The following SRGAP3 variants were observed in gnomAD, a reference collection of about 807,000 sequenced individuals.
SRGAP3 encodes the protein SLIT-ROBO Rho GTPase activating protein 3.
Under a neutral mutation model 121.1 loss-of-function variants are expected in SRGAP3, and 39 were observed. That is an observed-to-expected ratio of 0.32 (90% CI 0.25 to 0.42). The LOEUF (loss-of-function observed/expected upper bound fraction) is 0.42, where lower values mean the gene tolerates loss of function less well. Among genes scored for constraint, SRGAP3 ranks in the 10% least tolerant of loss-of-function variants. The pLI, the probability that SRGAP3 is intolerant of heterozygous loss-of-function variation, is 1.00. For synonymous variants in SRGAP3, 601 were observed against 570.0 expected, an observed-to-expected ratio of 1.05 and a Z score of -0.77; for missense variants, 1,213 against 1,470.6, an observed-to-expected ratio of 0.82 and a Z score of 2.86.
intron 3 of SRGAP3, among the ~76,000 whole-genome samples, chr3:9,315,771 A>G (rs1955334456): frequency 6.6e-6 from 1 of 152,230 alleles, no homozygotes; most frequent in South Asian, 2.1e-4. Context: ...CGCCTAAATG[A>G]TGATAATGAT....
At chr3:9,305,975 G>C (rs927900559) in intron 3 of SRGAP3, among the ~76,000 whole-genome samples, 4 of 152,162 alleles carry the variant, frequency 2.6e-5, no homozygotes, top group Admixed American at 2.6e-4. Flanking sequence ...GATCCTTGAG[G>C]AATCACCACA....
chr3:9,116,225 GTTGAA>G (rs1175951228), intron 2 of SRGAP3, among the ~76,000 whole-genome samples: 1 of 152,178 alleles, frequency 6.6e-6, no homozygotes, highest in East Asian at 1.9e-4. Flanking sequence ...CGTCCTTAAG[GTTGAA>G]TTGAAGTTTG....
At chr3:9,156,975 T>C (rs1464889190) in intron 1 of SRGAP3, among the ~76,000 whole-genome samples, 1 of 152,184 alleles carries the variant, frequency 6.6e-6, no homozygotes, top group Non-Finnish European at 1.5e-5. Flanking sequence ...ACCCTAGTTT[T>C]CTTTAATATT....
chr3:9,049,368 C>A (rs1418638453), intron 9 of SRGAP3: 3 of 456,024 alleles, frequency 6.6e-6, no homozygotes, highest in African/African-American at 6.0e-5. Flanking sequence ...TTAAGAGTCA[C>A]TCGACTTGTA....
At chr3:9,055,112 G>A (rs148833415) in intron 8 of SRGAP3, among the ~76,000 whole-genome samples, 325 of 152,296 alleles carry the variant, frequency 2.1e-3, no homozygotes, top group African/African-American at 7.6e-3. Context: ...TTCATCTCCT[G>A]TCTCTTTCCA....
chr3:9,180,011 T>C (rs1272444635), intron 1 of SRGAP3, among the ~76,000 whole-genome samples: 2 of 152,226 alleles, frequency 1.3e-5, no homozygotes. Context: ...AGGCCAACAC[T>C]TCTGGGGCAT....
chr3:9,032,734 A>C lies in SRGAP3; in HGVS notation c.1455T>G (p.Pro485=), dbSNP rs753769110. 1 of 1,612,448 alleles carries C rather than the reference A, an allele frequency of 6.2e-7. No individual in the cohort carries two copies. Among genetic ancestry groups the C allele is most frequent in the Non-Finnish European group, 8.5e-7 (1 of 1,179,216 alleles). Reference sequence around the variant, plus strand: ...TAGGTCTCCTCATTTTCTGTGGTTTAGGGGGAAGACAGGGGGGCCTAGGGG... The same window carrying C: ...TAGGTCTCCTCATTTTCTGTGGTTTCGGGGGAAGACAGGGGGGCCTAGGGG... ...CGTTRPPCLP[P]KPQKMRRPRP... is the part of the protein sequence containing the mutation. Residue 485 remains proline, a synonymous_variant, in exon 12 of 22, where the codon CCT becomes CCG. Coordinates refer to ENST00000383836, the MANE Select transcript of SRGAP3 (RefSeq NM_014850.4).
At chr3:9,060,429 T>C in intron 5 of SRGAP3, 70 bp from the exon 6 acceptor site, 1 of 705,138 alleles carries the variant, frequency 1.4e-6, no homozygotes, top group Non-Finnish European at 1.8e-6. Flanking sequence ...TTTCTATTCC[T>C]TTTTTTTTTT....
At chr3:9,200,693 A>G (rs1025178819) in intron 1 of SRGAP3, among the ~76,000 whole-genome samples, 4 of 152,180 alleles carry the variant, frequency 2.6e-5, no homozygotes, top group African/African-American at 9.7e-5. Context: ...CCAGATCCCA[A>G]AAAGACAGGG....
At chr3:9,362,033 T>C (rs560201846) in intron 1 of SRGAP3, among the ~76,000 whole-genome samples, 1 of 152,266 alleles carries the variant, frequency 6.6e-6, no homozygotes, top group South Asian at 2.1e-4. Context: ...ATTTAACATG[T>C]ATATTTGGCC....
At position 9,218,851 on chromosome 3, in the gene SRGAP3, TTAG is replaced by T. The variant is rs1438116507; in HGVS notation, c.67+30031_67+30033del. On this transcript the variant is annotated intron_variant, in intron 1 of 21. Transcript: ENST00000383836. The surrounding 1 kb of genome is among the most constrained non-coding windows in gnomAD (Gnocchi z 5.3). ...CCACACCTGGCTAATTTTTGTATTT[TTAG>T]TAGAGATGGGGTTTCACCATGTTGG... Among the ~76,000 whole-genome samples the T allele has an allele frequency of 1.3e-5, 2 of 151,798 alleles. No individual in the cohort carries two copies. Among genetic ancestry groups the T allele is most frequent in the African/African-American group, 4.8e-5 (2 of 41,316 alleles).
chr3:9,203,748 G>A (rs968508597), intron 1 of SRGAP3, among the ~76,000 whole-genome samples: 1 of 152,178 alleles, frequency 6.6e-6, no homozygotes, highest in Admixed American at 6.5e-5. Flanking sequence ...AAAACTATTT[G>A]GGAACTAATT....
In SRGAP3 at chr3:9,139,409, A is replaced by AG. The variant is rs535941094; in HGVS notation, c.68-14493dup. ...TTACAAGTGTCCTTACAGGAGAGAG[A>AG]GGGGAAAAAAAAGAAGATTTGTCAC... is the stretch of plus-strand genomic sequence containing the variant. On this transcript the variant is annotated intron_variant, in intron 1 of 21. Coordinates refer to ENST00000383836, the MANE Select transcript of SRGAP3 (RefSeq NM_014850.4). Among the ~76,000 whole-genome samples the AG allele has an allele frequency of 1.3e-3, 197 of 152,288 alleles. 1 individual carries two copies. Among genetic ancestry groups the AG allele is most frequent in the Middle Eastern group, 3.4e-3 (1 of 294 alleles).
chr3:9,281,463 C>T (rs1417280835), intron 3 of SRGAP3, among the ~76,000 whole-genome samples: 1 of 152,030 alleles, frequency 6.6e-6, no homozygotes, highest in Non-Finnish European at 1.5e-5. Context: ...AATAAGGATC[C>T]CCTCTTGGTT....
intron 21 of SRGAP3, among the ~76,000 whole-genome samples, chr3:8,987,825 C>A (rs76475524): frequency 0.031 from 4,745 of 152,224 alleles, 253 homozygotes; most frequent in African/African-American, 0.11. Flanking sequence ...CTCTCCCCAT[C>A]TCTGCCATGT....
At chr3:9,017,987 C>G (rs1263832809) in intron 14 of SRGAP3, among the ~76,000 whole-genome samples, 1 of 152,190 alleles carries the variant, frequency 6.6e-6, no homozygotes, top group Non-Finnish European at 1.5e-5. Context: ...TACCCACTAA[C>G]CAACCTCTTT....
At chr3:9,297,741 C>G (rs1395045701) in intron 3 of SRGAP3, among the ~76,000 whole-genome samples, 2 of 151,854 alleles carry the variant, frequency 1.3e-5, no homozygotes, top group Non-Finnish European at 2.9e-5. Flanking sequence ...ACTAAAAATG[C>G]AAAAATTAGC....
intron 18 of SRGAP3, 113 bp downstream of exon 18, chr3:9,010,193 GCT>G: frequency 8.1e-7 from 1 of 1,228,370 alleles, no homozygotes; most frequent in Middle Eastern, 1.9e-4. Context: ...AGGACAGATG[GCT>G]GACTTGGAAA....
At chr3:8,987,153 G>C (rs1336838115) in intron 21 of SRGAP3, among the ~76,000 whole-genome samples, 1 of 152,230 alleles carries the variant, frequency 6.6e-6, no homozygotes, top group Admixed American at 6.5e-5. Flanking sequence ...TAATGGATGT[G>C]ATGAAGCTTT....
Sources: allele counts gnomAD v4.1 joint callset (sites outside exome capture counted in the v4.1 genomes callset), GRCh38; gene constraint gnomAD v4.1.1; non-coding constraint Gnocchi (gnomAD v3.1); transcripts MANE v1.5; gene names NCBI Gene and HGNC (gene_info 2026-07-23, HGNC 2026-07-21).